The following SFMBT2 variants were observed in gnomAD, a reference collection of about 807,000 sequenced individuals.
SFMBT2 encodes the protein scm-like with four MBT domains protein 2.
A neutral mutation model predicts 110.1 loss-of-function variants in SFMBT2; 38 were observed. The ratio of observed to expected loss-of-function variants is 0.35; its 90% CI spans 0.27 to 0.45. SFMBT2 has a LOEUF of 0.45. Ranked by LOEUF, SFMBT2 falls within the 20% of genes least tolerant of loss-of-function variation. The pLI is 1.00. For synonymous variants in SFMBT2, 425 were observed against 425.4 expected, an observed-to-expected ratio of 1.00 and a Z score of 0.01; for missense variants, 1,011 against 1,094.9, an observed-to-expected ratio of 0.92 and a Z score of 1.08.
intron 11 of SFMBT2, among the ~76,000 whole-genome samples, chr10:7,217,239 T>C (rs554964986): frequency 1.3e-5 from 2 of 152,206 alleles, no homozygotes; most frequent in East Asian, 3.9e-4. Flanking sequence ...GTTCTGGAGA[T>C]GGATGGTGGT....
chr10:7,318,670 C>T (rs1042244411), intron 4 of SFMBT2, among the ~76,000 whole-genome samples: 5 of 152,222 alleles, frequency 3.3e-5, no homozygotes, highest in East Asian at 1.9e-4. Flanking sequence ...AAATACACAG[C>T]CCAAATGCTG....
At chr10:7,205,610 T>C (rs1839103880) in intron 12 of SFMBT2, 3 of 985,464 alleles carry the variant, frequency 3.0e-6, no homozygotes, top group African/African-American at 1.7e-5. Flanking sequence ...CAACTGTCCC[T>C]CACTGTTAAA....
At chr10:7,404,402 T>A (rs969186352) in intron 1 of SFMBT2, among the ~76,000 whole-genome samples, 2 of 152,196 alleles carry the variant, frequency 1.3e-5, no homozygotes, top group Non-Finnish European at 2.9e-5. Context: ...AGGGAAGGCA[T>A]ACCTTAATAT....
intron 6 of SFMBT2, among the ~76,000 whole-genome samples, chr10:7,282,252 T>C (rs1031313822): frequency 6.6e-6 from 1 of 152,236 alleles, no homozygotes; most frequent in African/African-American, 2.4e-5. Flanking sequence ...TAAGCGAGTA[T>C]TTCCTAAGCT....
chr10:7,197,194 AG>A (rs1380146063), intron 15 of SFMBT2, among the ~76,000 whole-genome samples: 1 of 152,122 alleles, frequency 6.6e-6, no homozygotes, highest in Non-Finnish European at 1.5e-5. Context: ...GTGCCATTCC[AG>A]GCTGGTTTAC....
At chr10:7,260,703 C>T (rs200478037) in intron 7 of SFMBT2, among the ~76,000 whole-genome samples, 3 of 152,254 alleles carry the variant, frequency 2.0e-5, no homozygotes, top group East Asian at 3.9e-4. Context: ...TACCACATTC[C>T]CCAGTGCAGA....
rs35306837 is a variant in SFMBT2 at position 7,375,751 on chromosome 10, C to CCACACACA, written c.101-5384_101-5377dup. ...AGTTACTCTAGGAGAAAAGAAAAAA[C>CCACACACA]CACACACACACACACACACACACAC... On this transcript the variant is annotated intron_variant, in intron 2 of 20. Coordinates refer to ENST00000397167, the MANE Select transcript of SFMBT2 (RefSeq NM_001387889.1). Among the ~76,000 whole-genome samples the CCACACACA allele has an allele frequency of 6.4e-3, 796 of 124,762 alleles. 6 individuals carry two copies. Among genetic ancestry groups the CCACACACA allele is most frequent in the Non-Finnish European group, 9.0e-3 (546 of 60,442 alleles). 81.8% of individuals were successfully genotyped at this position (124,762 alleles called of 152,430 possible). A position where few individuals can be genotyped will look rare whatever the true frequency, so the allele number is the denominator to read the frequency against.
At chr10:7,402,461 T>C (rs1233008272) in intron 1 of SFMBT2, among the ~76,000 whole-genome samples, 3 of 152,198 alleles carry the variant, frequency 2.0e-5, no homozygotes, top group African/African-American at 7.2e-5. Flanking sequence ...AAATGGGGTT[T>C]CTGAATTCCC....
chr10:7,277,913 C>T (rs527741342), intron 6 of SFMBT2, among the ~76,000 whole-genome samples: 29 of 152,320 alleles, frequency 1.9e-4, no homozygotes, highest in Admixed American at 1.3e-4. Context: ...TAGCATGAAG[C>T]GATCTATTTT....
rs1411823170 is a variant in SFMBT2 at position 7,159,606 on chromosome 10, G to C, written c.*4164C>G. Reference sequence around the variant, plus strand: ...ACAATTTCTTCCTTAACAACTACAGGTTTCTTAATTGACTATGTTGCCTTT... The same window carrying C: ...ACAATTTCTTCCTTAACAACTACAGCTTTCTTAATTGACTATGTTGCCTTT... On this transcript the variant is annotated 3_prime_UTR_variant, in exon 21 of 21. Transcript: ENST00000397167. 6.6e-6 allele frequency: 1 copy of C among 152,036 alleles called. No homozygotes were observed. Among genetic ancestry groups the C allele is most frequent in the Non-Finnish European group, 1.5e-5 (1 of 68,010 alleles). The allele number at this position is 152,036 out of a possible 1,614,324, so 9.4% of individuals were successfully genotyped here. A position where few individuals can be genotyped will look rare whatever the true frequency, so the allele number is the denominator to read the frequency against.
At chr10:7,362,733 A>G (rs1183610407) in intron 4 of SFMBT2, among the ~76,000 whole-genome samples, 1 of 152,256 alleles carries the variant, frequency 6.6e-6, no homozygotes, top group African/African-American at 2.4e-5. Context: ...TCCAATGGGG[A>G]ACTGGGGTCT....
intron 1 of SFMBT2, among the ~76,000 whole-genome samples, chr10:7,388,524 A>ATTTTTTTTT (rs60231769): frequency 3.7e-3 from 412 of 112,104 alleles, no homozygotes; most frequent in Non-Finnish European, 5.4e-3. Flanking sequence ...TACCCAGCTA[A>ATTTTTTTTT]TTTTTTTTTT....
intron 4 of SFMBT2, among the ~76,000 whole-genome samples, chr10:7,338,004 C>T (rs370304340): frequency 6.6e-6 from 1 of 152,236 alleles, no homozygotes; most frequent in African/African-American, 2.4e-5. Context: ...TCACTGAGGT[C>T]TTTAACACTT....
At position 7,370,356 on chromosome 10, in the gene SFMBT2, C is replaced by T. The variant is rs1845027992; in HGVS notation, c.120G>A (p.Glu40=). The change falls in exon 3 of 21, where the codon GAG becomes GAA. Residue 40 remains glutamate (E), a synonymous_variant. Transcript: ENST00000397167. ...DLDSEEGSSL[E]ETGFNWGEYL... ...ATTCTCCCCAGTTAAAGCCAGTTTC[C>T]TCCAAGCTTGAGCCTTCTTCTGTTG... The T allele has an allele frequency of 6.2e-7, 1 of 1,614,136 alleles. No homozygotes were observed. The highest frequency in any genetic ancestry group is 2.2e-5 in the East Asian group (1 of 44,894).
intron 4 of SFMBT2, among the ~76,000 whole-genome samples, chr10:7,319,381 C>A (rs762722830): frequency 6.6e-6 from 1 of 152,158 alleles, no homozygotes; most frequent in African/African-American, 2.4e-5. Flanking sequence ...CACAGAGCTG[C>A]AAACACAAGG....
At chr10:7,384,518 GT>G (rs140271804) in intron 1 of SFMBT2, among the ~76,000 whole-genome samples, 13,338 of 151,926 alleles carry the variant, frequency 0.088, 822 homozygotes, top group African/African-American at 0.18. Flanking sequence ...GAAAATAACG[GT>G]TTTTTAATAA....
At chr10:7,261,904 A>G (rs1841217284) in intron 7 of SFMBT2, among the ~76,000 whole-genome samples, 1 of 152,250 alleles carries the variant, frequency 6.6e-6, no homozygotes, top group Non-Finnish European at 1.5e-5. Context: ...GAAGGACGGA[A>G]GAGAGAAAGC....
At position 7,253,731 on chromosome 10, in the gene SFMBT2, G is replaced by A. The variant is rs75666825; in HGVS notation, c.871-5082C>T. On this transcript the variant is annotated intron_variant, in intron 7 of 20. Coordinates refer to ENST00000397167, the MANE Select transcript of SFMBT2 (RefSeq NM_001387889.1). ...TCTTATCCTACTGAACTTCAACTCCGTATTTCAGAAATAAATTTGGAAACT... is the reference window on the plus strand; with the variant it reads ...TCTTATCCTACTGAACTTCAACTCCATATTTCAGAAATAAATTTGGAAACT... Among the ~76,000 whole-genome samples the A allele has an allele frequency of 1.0e-2, 1,491 of 149,176 alleles. 38 individuals are homozygous for A. Among genetic ancestry groups the A allele is most frequent in the African/African-American group, 0.035 (1,428 of 40,538 alleles).
At chr10:7,356,868 C>A (rs1386930535) in intron 4 of SFMBT2, among the ~76,000 whole-genome samples, 1 of 152,160 alleles carries the variant, frequency 6.6e-6, no homozygotes, top group Non-Finnish European at 1.5e-5. Context: ...ATCATGGTGG[C>A]CCTGCTGAGC....
Sources: gnomAD v4.1 joint callset for allele counts (sites outside exome capture counted in the v4.1 genomes callset) on GRCh38, gnomAD v4.1.1 for gene constraint, MANE v1.5 for transcripts, NCBI Gene and HGNC (gene_info 2026-07-23, HGNC 2026-07-21) for gene names.